Variants in ARHGAP15 observed in about 807,000 individuals in gnomAD.
ARHGAP15 encodes the protein Rho GTPase activating protein 15, also known as rho GTPase-activating protein 15.
Under a neutral mutation model 63.7 loss-of-function variants are expected in ARHGAP15, and 51 were observed. The observed-to-expected ratio is 0.80, with a 90% CI of 0.64 to 1.01. The LOEUF is 1.01. ARHGAP15 is among the 50% of genes least tolerant of loss of function. The pLI is 0.00. For synonymous variants in ARHGAP15, 191 were observed against 193.8 expected, an observed-to-expected ratio of 0.99 and a Z score of 0.12; for missense variants, 560 against 564.6, an observed-to-expected ratio of 0.99 and a Z score of 0.08.
chr2:143,558,279 A>C (rs1695890919), intron 11 of ARHGAP15, among the ~76,000 whole-genome samples: 1 of 151,882 alleles, frequency 6.6e-6, no homozygotes, highest in Admixed American at 6.6e-5. Flanking sequence ...ATATCCTCCT[A>C]TCTTTTCCTT....
intron 8 of ARHGAP15, 53 bp from the exon 9 acceptor site, chr2:143,487,320 A>G (rs1692369044): frequency 3.8e-6 from 6 of 1,569,552 alleles, no homozygotes; most frequent in Admixed American, 4.0e-5. Context: ...GCATAAAGTA[A>G]TAATCATAAA....
chr2:143,366,308 G>GA (rs1320463591), intron 6 of ARHGAP15, among the ~76,000 whole-genome samples: 2 of 151,962 alleles, frequency 1.3e-5, no homozygotes. Flanking sequence ...GTAGATTGTG[G>GA]AAAATCTGTA....
chr2:143,620,252 A>G (rs1698600418), intron 11 of ARHGAP15, among the ~76,000 whole-genome samples: 1 of 152,200 alleles, frequency 6.6e-6, no homozygotes, highest in Non-Finnish European at 1.5e-5. Context: ...TGGTAAATCC[A>G]GTCCTGGAGT....
chr2:143,255,565 G>A (rs1038817407), intron 6 of ARHGAP15, among the ~76,000 whole-genome samples: 14 of 151,908 alleles, frequency 9.2e-5, no homozygotes, highest in African/African-American at 3.4e-4. Context: ...ATCTTAAAAT[G>A]TTTAAGTACT....
In ARHGAP15 at chr2:143,703,596, C is replaced by T; in HGVS notation, c.1244+72C>T. ...AAATGGGCAATATTGAATTTCACAT[C>T]TCTAAGGCAAGAGTTTCCAAATGCG... On this transcript the variant is annotated intron_variant, in intron 13 of 13. Transcript: ENST00000295095. The T allele has an allele frequency of 6.5e-6, 8 of 1,236,484 alleles. No individual in the cohort carries two copies. The East Asian group carries it at 9.9e-5, about 15-fold the overall frequency. The allele number at this position is 1,236,484 out of a possible 1,614,324, so 76.6% of individuals were successfully genotyped here. A position where few individuals can be genotyped will look rare whatever the true frequency, so the allele number is the denominator to read the frequency against.
chr2:143,472,697 G>A (rs2105192995), intron 8 of ARHGAP15, among the ~76,000 whole-genome samples: 2 of 152,048 alleles, frequency 1.3e-5, no homozygotes, highest in Middle Eastern at 6.8e-3. Flanking sequence ...TGATGATGAT[G>A]GGGGGAATGA....
intron 12 of ARHGAP15, among the ~76,000 whole-genome samples, chr2:143,658,878 A>G (rs1681597291): frequency 6.6e-6 from 1 of 152,252 alleles, no homozygotes; most frequent in African/African-American, 2.4e-5. Context: ...TGAGTTAATC[A>G]CAGCTTAATC....
At chr2:143,268,655 CAG>C (rs1245454554) in intron 6 of ARHGAP15, among the ~76,000 whole-genome samples, 7 of 151,948 alleles carry the variant, frequency 4.6e-5, no homozygotes, top group Non-Finnish European at 5.9e-5. Flanking sequence ...AGCAATAGGA[CAG>C]AGAGTTGTTA....
chr2:143,420,479 A>C (rs190885322), intron 6 of ARHGAP15, among the ~76,000 whole-genome samples: 1 of 152,238 alleles, frequency 6.6e-6, no homozygotes, highest in East Asian at 1.9e-4. Flanking sequence ...TTACAAAAAC[A>C]CTCTACTCCT....
intron 12 of ARHGAP15, among the ~76,000 whole-genome samples, chr2:143,674,430 A>G (rs1682724295): frequency 6.6e-6 from 1 of 152,198 alleles, no homozygotes; most frequent in Admixed American, 6.5e-5. Flanking sequence ...AGTGAAATTA[A>G]TCTATGACTA....
chr2:143,557,409 T>C (rs1274795569), intron 11 of ARHGAP15, among the ~76,000 whole-genome samples: 1 of 151,860 alleles, frequency 6.6e-6, no homozygotes, highest in African/African-American at 2.4e-5. Flanking sequence ...ATTCCAACAA[T>C]ATACTGGGAA....
intron 10 of ARHGAP15, among the ~76,000 whole-genome samples, chr2:143,531,700 T>G (rs192130513): frequency 6.6e-6 from 1 of 152,312 alleles, no homozygotes. Flanking sequence ...TATACAGATA[T>G]TGTGTCATTT....
chr2:143,709,473 G>A (rs752006603), intron 13 of ARHGAP15, among the ~76,000 whole-genome samples: 1 of 152,196 alleles, frequency 6.6e-6, no homozygotes, highest in Non-Finnish European at 1.5e-5. Context: ...TGTAAAATAG[G>A]TTGAAAGTTA....
chr2:143,720,771 A>T (rs1266245430), intron 13 of ARHGAP15, among the ~76,000 whole-genome samples: 2 of 152,120 alleles, frequency 1.3e-5, no homozygotes, highest in Admixed American at 6.5e-5. Context: ...CAATCTTGTT[A>T]AAAAATGCAG....
In ARHGAP15 at chr2:143,664,843, T is replaced by C. The variant is rs573741837; in HGVS notation, c.1139-38576T>C. 1.8e-3 allele frequency among the ~76,000 whole-genome samples: 278 copies of C among 152,274 alleles called. 1 individual carries two copies. The highest frequency in any genetic ancestry group is 6.3e-3 in the African/African-American group (260 of 41,550). ...AGAAATGGATAAATTCCTCGACACA[T>C]ACACCATCCCAAGACTAAACCAGGA... is the stretch of plus-strand genomic sequence containing the variant. On this transcript the variant is annotated intron_variant, in intron 12 of 13. Transcript: ENST00000295095.
chr2:143,171,557 C>G (rs906552118), intron 2 of ARHGAP15, among the ~76,000 whole-genome samples: 2 of 152,080 alleles, frequency 1.3e-5, no homozygotes, highest in African/African-American at 4.8e-5. Context: ...TGTATACTAA[C>G]TACACCCTTA....
At chr2:143,551,575 C>G (rs570325926) in intron 10 of ARHGAP15, among the ~76,000 whole-genome samples, 2 of 151,400 alleles carry the variant, frequency 1.3e-5, no homozygotes, top group Admixed American at 1.3e-4. Flanking sequence ...GTTTTTTTAA[C>G]CATGGAAATA....
intron 13 of ARHGAP15, among the ~76,000 whole-genome samples, chr2:143,734,229 T>C (rs1406373318): frequency 6.6e-6 from 1 of 152,152 alleles, no homozygotes; most frequent in Non-Finnish European, 1.5e-5. Context: ...CCAGTGTCAA[T>C]GTGCTCTCCC....
At chr2:143,436,823 C>T in intron 7 of ARHGAP15, 90 bp from the exon 8 acceptor site, 1 of 1,369,012 alleles carries the variant, frequency 7.3e-7, no homozygotes, top group Non-Finnish European at 1.0e-6. Context: ...CTTCAAATTT[C>T]CCCATAAACA....
Sources: gnomAD v4.1 joint callset for allele counts (sites outside exome capture counted in the v4.1 genomes callset) on GRCh38, gnomAD v4.1.1 for gene constraint, MANE v1.5 for transcripts, NCBI Gene and HGNC (gene_info 2026-07-23, HGNC 2026-07-21) for gene names.